Variants in ATXN7L1 observed in about 807,000 individuals in gnomAD.
The protein encoded by ATXN7L1 is ataxin-7-like protein 1.
ATXN7L1 carries 15 observed loss-of-function variants against 70.8 expected under a neutral mutation model. The observed-to-expected ratio is 0.21, with a 90% CI of 0.14 to 0.33. The LOEUF is 0.33. ATXN7L1 is among the 10% of genes least tolerant of loss of function. The probability of loss-of-function intolerance (pLI) is 1.00; values close to 1 mark genes in which losing one functional copy is unlikely to be tolerated. For synonymous variants in ATXN7L1, 440 were observed against 445.1 expected, an observed-to-expected ratio of 0.99 and a Z score of 0.14; for missense variants, 975 against 1,097.1, an observed-to-expected ratio of 0.89 and a Z score of 1.57.
chr7:105,799,419 C>T (rs953909277), intron 2 of ATXN7L1, among the ~76,000 whole-genome samples: 5 of 152,106 alleles, frequency 3.3e-5, no homozygotes, highest in African/African-American at 1.2e-4. Flanking sequence ...ACACACTGCT[C>T]GGAATCCCTG....
At position 105,643,008 on chromosome 7, in the gene ATXN7L1, G is replaced by A. The variant is rs533762062; in HGVS notation, c.692C>T (p.Ser231Leu). ...TTTAVSASST[S>L]SSAVSTPPLI... ...AGGAGGGGTGGAGACGGCAGAGGAC[G>A]AGGTGGAGGAGGCAGAAACTGCAGT... The change falls in exon 5 of 12, where the codon TCG (serine) becomes TTG (leucine). Residue 231 changes from serine (S) to leucine (L), a missense_variant. Transcript: ENST00000419735. 6 of 1,551,818 alleles carry A rather than the reference G, an allele frequency of 3.9e-6. No individual in the cohort carries two copies. In the East Asian group the frequency reaches 7.3e-5, roughly 19 times the overall value.
At chr7:105,682,569 T>C (rs1423282933) in intron 3 of ATXN7L1, among the ~76,000 whole-genome samples, 1 of 152,168 alleles carries the variant, frequency 6.6e-6, no homozygotes, top group African/African-American at 2.4e-5. Flanking sequence ...AACACTGTGC[T>C]ACATACATAC....
At chr7:105,817,153 C>T (rs1340621024) in intron 2 of ATXN7L1, among the ~76,000 whole-genome samples, 1 of 152,040 alleles carries the variant, frequency 6.6e-6, no homozygotes, top group African/African-American at 2.4e-5. Context: ...GTTTAGAGTC[C>T]CTAATGAGGG....
chr7:105,826,385 G>A (rs1002820964), intron 2 of ATXN7L1, among the ~76,000 whole-genome samples: 1 of 152,204 alleles, frequency 6.6e-6, no homozygotes, highest in African/African-American at 2.4e-5. Context: ...CTTCCCAACT[G>A]TCCAATTCTA....
At chr7:105,748,400 A>G (rs1375376845) in intron 3 of ATXN7L1, among the ~76,000 whole-genome samples, 1 of 152,124 alleles carries the variant, frequency 6.6e-6, no homozygotes, top group Non-Finnish European at 1.5e-5. Context: ...GAGTTGCTCT[A>G]CTGCAATAAA....
At chr7:105,756,165 AT>A (rs1447916635) in intron 3 of ATXN7L1, among the ~76,000 whole-genome samples, 3 of 152,140 alleles carry the variant, frequency 2.0e-5, no homozygotes, top group African/African-American at 4.8e-5. Context: ...TTGCTGTCCA[AT>A]CTGCAGTTTC....
intron 3 of ATXN7L1, among the ~76,000 whole-genome samples, chr7:105,780,428 C>T (rs1803357880): frequency 6.6e-6 from 1 of 152,096 alleles, no homozygotes; most frequent in Admixed American, 6.6e-5. Context: ...TGAAAAACAG[C>T]TACTTGAAGG....
At chr7:105,768,965 C>T (rs1216316949) in intron 3 of ATXN7L1, among the ~76,000 whole-genome samples, 1 of 152,172 alleles carries the variant, frequency 6.6e-6, no homozygotes, top group African/African-American at 2.4e-5. Flanking sequence ...GCCTTTTCCC[C>T]CCCTGGGGTC....
intron 2 of ATXN7L1, among the ~76,000 whole-genome samples, chr7:105,788,922 T>A (rs1804721946): frequency 6.6e-6 from 1 of 152,222 alleles, no homozygotes; most frequent in African/African-American, 2.4e-5. Context: ...ATTTCTCCCC[T>A]GGAAATGCAC....
intron 3 of ATXN7L1, among the ~76,000 whole-genome samples, chr7:105,735,008 AGGT>A (rs1797227046): frequency 6.6e-6 from 1 of 152,194 alleles, no homozygotes; most frequent in Admixed American, 6.5e-5. Flanking sequence ...TTAACTGAAA[AGGT>A]GGAGGCTGCC....
chr7:105,772,884 G>C (rs534825009), intron 3 of ATXN7L1, among the ~76,000 whole-genome samples: 2 of 152,190 alleles, frequency 1.3e-5, no homozygotes, highest in Non-Finnish European at 2.9e-5. Flanking sequence ...ACAACAGAGA[G>C]ATTATATACA....
At chr7:105,875,515 C>A (rs565643414) in intron 2 of ATXN7L1, among the ~76,000 whole-genome samples, 1 of 151,808 alleles carries the variant, frequency 6.6e-6, no homozygotes, top group African/African-American at 2.4e-5. Flanking sequence ...AACGCCCCAC[C>A]ATTTGGCAAT....
intron 3 of ATXN7L1, among the ~76,000 whole-genome samples, chr7:105,730,706 T>C (rs1796435094): frequency 6.7e-6 from 1 of 150,216 alleles, no homozygotes; most frequent in Non-Finnish European, 1.5e-5. Context: ...CACTCCAGCC[T>C]GGGCAACAGA....
At chr7:105,760,415 G>T in intron 3 of ATXN7L1, 2 of 981,196 alleles carry the variant, frequency 2.0e-6, no homozygotes, top group South Asian at 9.4e-5. Context: ...ACAGCCAGCA[G>T]GTGGCAGGGT....
intron 9 of ATXN7L1, among the ~76,000 whole-genome samples, chr7:105,618,505 A>G (rs1194572656): frequency 2.0e-5 from 3 of 152,106 alleles, no homozygotes; most frequent in African/African-American, 4.8e-5. Context: ...CACTTCTCCT[A>G]GAAGTTCAGG....
intron 3 of ATXN7L1, among the ~76,000 whole-genome samples, chr7:105,684,017 G>A (rs899408040): frequency 6.6e-6 from 1 of 152,180 alleles, no homozygotes; most frequent in Non-Finnish European, 1.5e-5. Flanking sequence ...CTCCTGCCCA[G>A]GGGCTGCCAG....
intron 2 of ATXN7L1, among the ~76,000 whole-genome samples, chr7:105,815,059 C>G (rs1032651227): frequency 6.6e-6 from 1 of 152,202 alleles, no homozygotes; most frequent in Non-Finnish European, 1.5e-5. Flanking sequence ...CTCTCCTATT[C>G]CTCTATCCCC....
At chr7:105,736,926 G>T (rs1371955174) in intron 3 of ATXN7L1, among the ~76,000 whole-genome samples, 1 of 152,156 alleles carries the variant, frequency 6.6e-6, no homozygotes. Flanking sequence ...TTAGGTTTGG[G>T]TATTCAGGTC....
chr7:105,861,468 G>C (rs556163537), intron 2 of ATXN7L1, among the ~76,000 whole-genome samples: 1 of 151,008 alleles, frequency 6.6e-6, no homozygotes, highest in Non-Finnish European at 1.5e-5. Context: ...AGATGGGAGG[G>C]AGGGAGGAGA....
Sources: allele counts gnomAD v4.1 joint callset (sites outside exome capture counted in the v4.1 genomes callset), GRCh38; gene constraint gnomAD v4.1.1; transcripts MANE v1.5; gene names NCBI Gene and HGNC (gene_info 2026-07-23, HGNC 2026-07-21).